Variants in TUBB3 observed in about 807,000 individuals in gnomAD.
The protein encoded by TUBB3 is tubulin beta 3 class III.
In TUBB3, 17 loss-of-function variants were observed where a neutral mutation model predicts 37.8. The observed-to-expected ratio is 0.45, with a 90% confidence interval of 0.31 to 0.67. The LOEUF (loss-of-function observed/expected upper bound fraction) is 0.67, where lower values mean the gene tolerates loss of function less well. Ranked by LOEUF, TUBB3 falls within the 30% of genes least tolerant of loss-of-function variation. The pLI, the probability that TUBB3 is intolerant of heterozygous loss-of-function variation, is 0.07. For missense variants in TUBB3, 262 were observed against 657.9 expected (o/e 0.40, Z 6.58); for synonymous variants, 332 against 278.9 (o/e 1.19, Z -1.90).
intron 1 of TUBB3, among the ~76,000 whole-genome samples, chr16:89,927,100 T>C (rs1348890446): frequency 1.3e-5 from 2 of 151,408 alleles, no homozygotes; most frequent in African/African-American, 2.4e-5. Flanking sequence ...ATAGGCCAGG[T>C]GCGGTGGCTC....
intron 3 of TUBB3, chr16:89,934,453 C>G (rs1452915467): frequency 3.3e-6 from 2 of 610,820 alleles, no homozygotes; most frequent in Non-Finnish European, 6.1e-6. Context: ...AGGGCTGATC[C>G]ATTCACCCAG....
In TUBB3 at chr16:89,935,526, C is replaced by T. The variant is rs1285744831; in HGVS notation, c.1075C>T (p.Arg359Cys). Residue 359 changes from arginine to cysteine, a missense_variant, in exon 4 of 4, where the codon CGC becomes TGC. By Grantham distance (180) the Arg-to-Cys change is radical. Around this residue, in one of 3 missense-constraint regions of TUBB3, gnomAD observed 165 missense variants for 556.8 expected, o/e 0.30. Coordinates refer to ENST00000315491, the MANE Select transcript of TUBB3 (RefSeq NM_006086.4). ...GGTGGCCGTGTGTGACATCCCGCCC[C>T]GCGGCCTCAAGATGTCCTCCACCTT... ...VKVAVCDIPP[R>C]GLKMSSTFIG... 5 of 1,614,088 alleles carry T rather than the reference C, an allele frequency of 3.1e-6. No individual in the cohort carries two copies. Among genetic ancestry groups the T allele is most frequent in the Non-Finnish European group, 4.2e-6 (5 of 1,180,058 alleles).
At position 89,935,847 on chromosome 16, in the gene TUBB3, C is replaced by A; in HGVS notation, c.*43C>A. The A allele has an allele frequency of 6.3e-7, 1 of 1,585,058 alleles. No homozygotes were observed. On this transcript the variant is annotated 3_prime_UTR_variant, in exon 4 of 4. Coordinates refer to ENST00000315491, the MANE Select transcript of TUBB3 (RefSeq NM_006086.4). Reference sequence around the variant, plus strand: ...GTGAGAGGCAGGTGGCGGCCGGGGCCGAAGCCAGCAGTGTCTAAACCCCCG... The same window carrying A: ...GTGAGAGGCAGGTGGCGGCCGGGGCAGAAGCCAGCAGTGTCTAAACCCCCG...
chr16:89,922,972 C>T (rs985945162), upstream of TUBB3, among the ~76,000 whole-genome samples: 1 of 152,268 alleles, frequency 6.6e-6, no homozygotes, highest in African/African-American at 2.4e-5. Context: ...AAAAGACCCT[C>T]CGTACAAAGC....
At chr16:89,923,569 G>A in intron 1 of TUBB3, 111 bp downstream of exon 1, 1 of 1,082,468 alleles carries the variant, frequency 9.2e-7, no homozygotes, top group Non-Finnish European at 1.2e-6. Flanking sequence ...CTGCAACAAA[G>A]GGATGCGCCC....
chr16:89,929,662 C>CAGAGGCACCCACGCATAG (rs1175108377), intron 1 of TUBB3, among the ~76,000 whole-genome samples: 20 of 152,224 alleles, frequency 1.3e-4, no homozygotes, highest in Admixed American at 3.9e-4. Flanking sequence ...ACACATCTAC[C>CAGAGGCACCCACGCATAG]AGAGGCACCC....
At chr16:89,929,885 G>A (rs574342711) in intron 1 of TUBB3, among the ~76,000 whole-genome samples, 1 of 152,106 alleles carries the variant, frequency 6.6e-6, no homozygotes, top group South Asian at 2.1e-4. Flanking sequence ...ATTTTTAGTA[G>A]AGACAGGGTT....
At chr16:89,927,730 T>G (rs2030136176) in intron 1 of TUBB3, among the ~76,000 whole-genome samples, 1 of 152,242 alleles carries the variant, frequency 6.6e-6, no homozygotes, top group Non-Finnish European at 1.5e-5. Context: ...ATCTCACAGA[T>G]GAGAAAACAG....
chr16:89,935,333 CG>C lies in TUBB3; in HGVS notation c.883del (p.Asp295MetfsTer5). 1 of 1,613,916 alleles carries C rather than the reference CG, an allele frequency of 6.2e-7. No individual in the cohort carries two copies. On this transcript the variant is annotated frameshift_variant, in exon 4 of 4. Coordinates refer to ENST00000315491, the MANE Select transcript of TUBB3 (RefSeq NM_006086.4). LOFTEE classifies it high-confidence loss of function. ...TGCCCGAGCTCACCCAGCAGATGTT[CG>C]ATGCCAAGAACATGATGGCCGCCTG... Reference protein sequence around the residue: ...TVPELTQQMFDAKNMMAACDP... With the variant: ...TVPELTQQMFXAKNMMAACDP...
intron 1 of TUBB3, among the ~76,000 whole-genome samples, chr16:89,924,836 C>T (rs2030017647): frequency 6.6e-6 from 1 of 152,042 alleles, no homozygotes; most frequent in South Asian, 2.1e-4. Context: ...CCCGGAGCAG[C>T]CTCTGACAGC....
rs1372679862 is a variant in TUBB3, at chr16:89,935,193, G to A, written c.742G>A (p.Ala248Thr). The part of the protein sequence containing the change: ...TSLRFPGQLN[A>T]DLRKLAVNMV... ...CTTGCGCTTCCCGGGCCAGCTCAACGCTGACCTGCGCAAGCTGGCCGTCAA... is the reference window on the plus strand; with the variant it reads ...CTTGCGCTTCCCGGGCCAGCTCAACACTGACCTGCGCAAGCTGGCCGTCAA... The change falls in exon 4 of 4, where the codon GCT (alanine) becomes ACT (threonine). Residue 248 changes from alanine (A) to threonine (T), a missense_variant. By Grantham distance (58) the Ala-to-Thr change is moderately conservative (BLOSUM62 0). This residue lies in a region of TUBB3 where 165 missense variants were observed against 556.8 expected (regional missense o/e 0.30). Transcript: ENST00000315491. 6.2e-7 allele frequency: 1 copy of A among 1,613,802 alleles called. No homozygotes were observed. Among genetic ancestry groups the A allele is most frequent in the Non-Finnish European group, 8.5e-7 (1 of 1,180,024 alleles).
intron 1 of TUBB3, among the ~76,000 whole-genome samples, chr16:89,931,253 C>A (rs532718439): frequency 6.6e-6 from 1 of 152,346 alleles, no homozygotes; most frequent in African/African-American, 2.4e-5. Flanking sequence ...CCACTGTGCC[C>A]GGCCCCACCA....
chr16:89,923,310 G>T (rs1372616757), upstream of TUBB3: 1 of 1,122,382 alleles, frequency 8.9e-7, no homozygotes, highest in South Asian at 2.1e-5. Context: ...CGGGGCCGCG[G>T]CTATAAGAGC....
intron 1 of TUBB3, among the ~76,000 whole-genome samples, chr16:89,926,470 C>T (rs945036526): frequency 2.8e-4 from 43 of 152,258 alleles, no homozygotes; most frequent in African/African-American, 9.9e-4. Flanking sequence ...AAAGCCCGGC[C>T]CCGCTTTCCC....
At chr16:89,926,426 A>AC (rs1357126455) in intron 1 of TUBB3, among the ~76,000 whole-genome samples, 1 of 151,480 alleles carries the variant, frequency 6.6e-6, no homozygotes, top group African/African-American at 2.4e-5. Context: ...TTCATCGGGG[A>AC]CCCCCGCTCC....
In TUBB3 at chr16:89,935,603, G is replaced by A. The variant is rs765882505; in HGVS notation, c.1152G>A (p.Gln384=). 1.2e-6 allele frequency: 2 copies of A among 1,613,954 alleles called. No individual in the cohort carries two copies. Among genetic ancestry groups the A allele is most frequent in the East Asian group, 4.5e-5 (2 of 44,894 alleles). The part of the protein sequence containing the change: ...IQELFKRISE[Q]FTAMFRRKAF... ...AGCTGTTCAAGCGCATCTCCGAGCA[G>A]TTCACGGCCATGTTCCGGCGCAAGG... Residue 384 remains glutamine, a synonymous_variant, in exon 4 of 4, where the codon CAG becomes CAA. Coordinates refer to ENST00000315491, the MANE Select transcript of TUBB3 (RefSeq NM_006086.4).
intron 1 of TUBB3, among the ~76,000 whole-genome samples, chr16:89,927,321 G>A (rs929903632): frequency 1.3e-5 from 2 of 151,974 alleles, no homozygotes; most frequent in African/African-American, 2.4e-5. Flanking sequence ...GTGGGCAGAG[G>A]TTAAAGTGAG....
intron 3 of TUBB3, chr16:89,933,896 G>A (rs1053303183): frequency 3.1e-6 from 2 of 653,604 alleles, no homozygotes; most frequent in South Asian, 3.4e-5. Flanking sequence ...AGGCCTTGCT[G>A]CGGTCAAGAG....
chr16:89,931,749 G>A (rs62052214), intron 1 of TUBB3: 13,789 of 268,198 alleles, frequency 0.051, 736 homozygotes, highest in East Asian at 0.26. Context: ...GGTGAGGGAA[G>A]CGTCTGTGAA....
Sources: gnomAD v4.1 joint callset for allele counts (sites outside exome capture counted in the v4.1 genomes callset) on GRCh38, gnomAD v4.1.1 for gene constraint, gnomAD v4.1.1 regional missense constraint, MANE v1.5 for transcripts, NCBI Gene and HGNC (gene_info 2026-07-23, HGNC 2026-07-21) for gene names.